DNAAF4: variants seen among roughly 807,000 people sequenced by gnomAD.
DNAAF4 encodes dynein assembly factor 4, axonemal.
In DNAAF4, 43 loss-of-function variants were observed where a neutral mutation model predicts 51.8. The ratio of observed to expected loss-of-function variants is 0.83; its 90% CI spans 0.65 to 1.07. The LOEUF is 1.07. Ranked by LOEUF, DNAAF4 falls within the 50% of genes least tolerant of loss-of-function variation. The pLI is 0.00. For synonymous variants in DNAAF4, 194 were observed against 165.6 expected, an observed-to-expected ratio of 1.17 and a Z score of -1.32; for missense variants, 581 against 493.0, an observed-to-expected ratio of 1.18 and a Z score of -1.69.
At chr15:55,500,989 T>A (rs2058693958) in intron 1 of DNAAF4, among the ~76,000 whole-genome samples, 1 of 93,836 alleles carries the variant, frequency 1.1e-5, no homozygotes, top group Non-Finnish European at 1.8e-5. Flanking sequence ...TGAAACTGAG[T>A]CTCAAAAAAA....
In DNAAF4 at chr15:55,491,229, C is replaced by A. The variant is rs2058566998; in HGVS notation, c.299G>T (p.Arg100Ile). 1 of 1,612,892 alleles carries A rather than the reference C, an allele frequency of 6.2e-7. No homozygotes were observed. The highest frequency in any genetic ancestry group is 1.1e-5 in the South Asian group (1 of 90,956). The change falls in exon 4 of 10, where the codon AGA becomes ATA. Residue 100 changes from arginine (R) to isoleucine (I), a missense_variant. Transcript: ENST00000321149. ...GVDKEMMQRI[R>I]EKSILQAQER... ...TTGTGCTTGTAAAATAGATTTTTCT[C>A]TAATTCTTTGCATCATCTCTTTGTC... is the stretch of plus-strand genomic sequence containing the variant.
intron 5 of DNAAF4, among the ~76,000 whole-genome samples, chr15:55,465,359 C>T (rs1158558374): frequency 6.7e-6 from 1 of 148,682 alleles, no homozygotes; most frequent in African/African-American, 2.5e-5. Context: ...TGCCTATCAA[C>T]TAATGAGAAG....
At chr15:55,431,908 C>T (rs2057501577) in intron 9 of DNAAF4, among the ~76,000 whole-genome samples, 1 of 152,078 alleles carries the variant, frequency 6.6e-6, no homozygotes, top group African/African-American at 2.4e-5. Flanking sequence ...TGAAGCACCA[C>T]ACCCAGCATT....
chr15:55,476,551 C>T (rs1042027326), intron 4 of DNAAF4, among the ~76,000 whole-genome samples: 31 of 151,974 alleles, frequency 2.0e-4, no homozygotes, highest in African/African-American at 6.3e-4. Flanking sequence ...TGTGGGTAAG[C>T]GTAAAAGACA....
At chr15:55,480,055 G>T (rs1291755241) in intron 4 of DNAAF4, among the ~76,000 whole-genome samples, 8 of 152,064 alleles carry the variant, frequency 5.3e-5, no homozygotes. Flanking sequence ...AGAAGTATGT[G>T]ATCTTTGTTA....
intron 4 of DNAAF4, among the ~76,000 whole-genome samples, chr15:55,473,794 C>A (rs904400682): frequency 6.6e-6 from 1 of 151,978 alleles, no homozygotes; most frequent in African/African-American, 2.4e-5. Context: ...AGTTCGAGAC[C>A]AGCCTGGCCA....
At chr15:55,438,730 A>T (rs2057658544) in intron 7 of DNAAF4, among the ~76,000 whole-genome samples, 3 of 151,892 alleles carry the variant, frequency 2.0e-5, no homozygotes, top group Admixed American at 2.0e-4. Context: ...GGTTGCAGTG[A>T]GCTGAGATTG....
intron 3 of DNAAF4, among the ~76,000 whole-genome samples, chr15:55,491,562 A>ATCC (rs2141587377): frequency 6.8e-6 from 1 of 147,954 alleles, no homozygotes; most frequent in South Asian, 2.1e-4. Context: ...GGACACATTT[A>ATCC]TCCTCTTCCT....
At chr15:55,448,818 G>A (rs961327054) in intron 6 of DNAAF4, among the ~76,000 whole-genome samples, 1 of 150,512 alleles carries the variant, frequency 6.6e-6, no homozygotes, top group African/African-American at 2.4e-5. Context: ...TGCAGTGAGC[G>A]GAGACTGCGC....
chr15:55,476,837 T>G (rs1438784655), intron 4 of DNAAF4, among the ~76,000 whole-genome samples: 1 of 152,140 alleles, frequency 6.6e-6, no homozygotes, highest in Non-Finnish European at 1.5e-5. Context: ...TAGAGAGTTA[T>G]TGTTTAATGG....
In DNAAF4 at chr15:55,452,341, C is replaced by T. The variant is rs572118267; in HGVS notation, c.638-1974G>A. Among the ~76,000 whole-genome samples, 58 of 145,970 alleles carry T rather than the reference C, an allele frequency of 4.0e-4. 2 individuals carry two copies. The South Asian group carries it at 0.013, about 33-fold the overall frequency. On this transcript the variant is annotated intron_variant, in intron 5 of 9. Coordinates refer to ENST00000321149, the MANE Select transcript of DNAAF4 (RefSeq NM_130810.4). ...GCATACTTCATTTTACTTCAGATTACTAATAATACTAATGATTAATACGAT... is the reference window on the plus strand; with the variant it reads ...GCATACTTCATTTTACTTCAGATTATTAATAATACTAATGATTAATACGAT...
chr15:55,483,842 T>A (rs984230680), intron 4 of DNAAF4, among the ~76,000 whole-genome samples: 5,005 of 58,396 alleles, frequency 0.086, 332 homozygotes, highest in Non-Finnish European at 0.12. Context: ...GCTTTTTTTT[T>A]TTTTTTTTTT....
Position 55,430,394 on chromosome 15 carries a change from T to C in DNAAF4, c.*276A>G. On this transcript the variant is annotated 3_prime_UTR_variant, in exon 10 of 10. Coordinates refer to ENST00000321149, the MANE Select transcript of DNAAF4 (RefSeq NM_130810.4). Reference sequence around the variant, plus strand: ...GGTAACTATACCAAAACATATTTTGTTACAAGGGCAAGCTTAATTCAGTAA... The same window carrying C: ...GGTAACTATACCAAAACATATTTTGCTACAAGGGCAAGCTTAATTCAGTAA... 1.0e-6 allele frequency: 1 copy of C among 1,001,664 alleles called. No individual in the cohort carries two copies. Among genetic ancestry groups the C allele is most frequent in the Non-Finnish European group, 1.2e-6 (1 of 839,500 alleles). The allele number at this position is 1,001,664 out of a possible 1,614,324, so 62.0% of individuals were successfully genotyped here. A position where few individuals can be genotyped will look rare whatever the true frequency, so the allele number is the denominator to read the frequency against.
rs562332484 is a variant in DNAAF4 at position 55,474,578 on chromosome 15, CT to C, written c.406-7418del. On this transcript the variant is annotated intron_variant, in intron 4 of 9. Transcript: ENST00000321149. ...ACTTATACAAACTTATAAAAACAAA[CT>C]TACTTTCCTACAAACTGGCAATAAA... is the stretch of plus-strand genomic sequence containing the variant. 1.8e-4 allele frequency among the ~76,000 whole-genome samples: 28 copies of C among 152,140 alleles called. No homozygotes were observed. The East Asian group carries it at 4.8e-3, about 26-fold the overall frequency.
intron 7 of DNAAF4, 139 bp from the exon 8 acceptor site, chr15:55,435,197 T>C (rs1208517830): frequency 1.2e-6 from 1 of 833,554 alleles, no homozygotes; most frequent in African/African-American, 1.7e-5. Flanking sequence ...CTGCACTGAA[T>C]CCATCTCTTT....
At chr15:55,505,637 A>G (rs2058723276) in intron 1 of DNAAF4, among the ~76,000 whole-genome samples, 1 of 152,140 alleles carries the variant, frequency 6.6e-6, no homozygotes, top group Admixed American at 6.5e-5. Context: ...GAATCTGGAA[A>G]CCATCACTCT....
At chr15:55,479,191 T>C (rs1490490384) in intron 4 of DNAAF4, among the ~76,000 whole-genome samples, 1 of 151,206 alleles carries the variant, frequency 6.6e-6, no homozygotes, top group East Asian at 1.9e-4. Context: ...ACACTAAGCA[T>C]AACCACCTAA....
chr15:55,465,549 T>C (rs1471467568), intron 5 of DNAAF4, among the ~76,000 whole-genome samples: 7 of 149,412 alleles, frequency 4.7e-5, no homozygotes, highest in African/African-American at 1.7e-4. Flanking sequence ...GAAAACCAAA[T>C]ACCATATGTT....
chr15:55,490,315 T>C (rs1043136331), intron 4 of DNAAF4, among the ~76,000 whole-genome samples: 9 of 152,038 alleles, frequency 5.9e-5, no homozygotes, highest in Non-Finnish European at 1.3e-4. Context: ...TGGGGGGTGA[T>C]GAAAATGTTC....
Sources: allele counts gnomAD v4.1 joint callset (sites outside exome capture counted in the v4.1 genomes callset), GRCh38; gene constraint gnomAD v4.1.1; transcripts MANE v1.5; gene names NCBI Gene and HGNC (gene_info 2026-07-23, HGNC 2026-07-21).